Variants in FAM193B observed in about 807,000 individuals in gnomAD.
FAM193B encodes the protein protein FAM193B.
FAM193B carries 27 observed loss-of-function variants against 70.7 expected under a neutral mutation model. That is an observed-to-expected ratio of 0.38 (90% CI 0.28 to 0.53). The LOEUF (loss-of-function observed/expected upper bound fraction) is 0.53, where lower values mean the gene tolerates loss of function less well. Among genes scored for constraint, FAM193B ranks in the 20% least tolerant of loss-of-function variants. The pLI is 0.81. For synonymous variants in FAM193B, 448 were observed against 436.0 expected (o/e 1.03, Z -0.34); for missense variants, 1,022 against 1,072.5 (o/e 0.95, Z 0.66).
intron 1 of FAM193B, chr5:177,553,712 G>A (rs746645074): frequency 2.3e-6 from 3 of 1,287,852 alleles, no homozygotes; most frequent in South Asian, 1.2e-5. Context: ...AACTCCTCCG[G>A]GCAGCCTGGC....
In FAM193B at chr5:177,536,455, A is replaced by G. The variant is rs780627368; in HGVS notation, c.979T>C (p.Ser327Pro). 1.3e-6 allele frequency: 2 copies of G among 1,589,672 alleles called. No homozygotes were observed. The highest frequency in any genetic ancestry group is 1.7e-6 in the Non-Finnish European group (2 of 1,172,124). ...MPLLKMPPPF[S>P]GCSHPCSGHC... The stretch of plus-strand genomic sequence containing the variant: ...CCGCTGCAGGGGTGGCTGCACCCCG[A>G]GAATGGTGGGGGCATCTTCAGGAGC... The change falls in exon 4 of 9, where the codon TCG (serine) becomes CCG (proline). Residue 327 changes from serine to proline, a missense_variant. Physicochemically the swap from Ser to Pro is moderately conservative, Grantham distance 74. Transcript: ENST00000514747.
intron 1 of FAM193B, chr5:177,553,794 C>T: frequency 7.8e-7 from 1 of 1,287,018 alleles, no homozygotes; most frequent in Non-Finnish European, 1.0e-6. Context: ...GGGGCCGCGG[C>T]TGCAGGCGCT....
chr5:177,539,865 C>A (rs1003498489), intron 1 of FAM193B, among the ~76,000 whole-genome samples: 2 of 152,142 alleles, frequency 1.3e-5, no homozygotes. Context: ...CTTCTCTGGG[C>A]TCCAATTCCT....
rs185798693 is a variant in FAM193B at position 177,554,468 on chromosome 5, C to T, written c.-10G>A. 0.033 allele frequency: 32,262 copies of T among 969,872 alleles called. 1,561 individuals are homozygous for T. In the East Asian group the frequency reaches 0.38, roughly 11 times the overall value. 60.1% of individuals were successfully genotyped at this position (969,872 alleles called of 1,614,324 possible). A position where few individuals can be genotyped will look rare whatever the true frequency, so the allele number is the denominator to read the frequency against. On this transcript the variant is annotated 5_prime_UTR_variant, in exon 1 of 9. Coordinates refer to ENST00000514747, the MANE Select transcript of FAM193B (RefSeq NM_001190946.3). ...TCCGCCTCCGCGTCATGCCGCCGCT[C>T]GCGCCGCTCCCTCGCTCCACACGCC... is the stretch of plus-strand genomic sequence containing the variant.
intron 1 of FAM193B, chr5:177,553,637 G>A (rs1486757545): frequency 3.2e-6 from 4 of 1,264,772 alleles, no homozygotes; most frequent in East Asian, 5.8e-5. Context: ...CTGCCTTGCG[G>A]AGCAGGGGAG....
At chr5:177,526,025 C>G (rs1227434786) in intron 5 of FAM193B, among the ~76,000 whole-genome samples, 1 of 152,172 alleles carries the variant, frequency 6.6e-6, no homozygotes, top group Non-Finnish European at 1.5e-5. Context: ...GTGCGCCTGG[C>G]GCCATTGACT....
At chr5:177,551,114 C>T (rs1412566229) in intron 1 of FAM193B, among the ~76,000 whole-genome samples, 4 of 152,196 alleles carry the variant, frequency 2.6e-5, no homozygotes, top group African/African-American at 4.8e-5. Context: ...GGATTACAGG[C>T]GTGAGCCACC....
At chr5:177,524,150 T>C in intron 6 of FAM193B, 35 bp downstream of exon 6, 1 of 1,585,928 alleles carries the variant, frequency 6.3e-7, no homozygotes, top group Non-Finnish European at 8.6e-7. Context: ...CTGGCTGGGG[T>C]AGGGGGTCAG....
chr5:177,536,757 G>C lies in FAM193B; in HGVS notation c.689-12C>G. ...GGGGAAAGCCTCACCTGTGGGCAGAGGGAGGAGAAAGGGGTCAGAATGGGA... is the reference window on the plus strand; with the variant it reads ...GGGGAAAGCCTCACCTGTGGGCAGACGGAGGAGAAAGGGGTCAGAATGGGA... On this transcript the variant is annotated splice_polypyrimidine_tract_variant and intron_variant, in intron 3 of 8. Transcript: ENST00000514747. 6 of 1,549,400 alleles carry C rather than the reference G, an allele frequency of 3.9e-6. No individual in the cohort carries two copies. The highest frequency in any genetic ancestry group is 5.2e-6 in the Non-Finnish European group (6 of 1,147,742).
intron 5 of FAM193B, among the ~76,000 whole-genome samples, chr5:177,527,993 C>A (rs1352329508): frequency 6.6e-6 from 1 of 152,118 alleles, no homozygotes; most frequent in African/African-American, 2.4e-5. Context: ...CACTATTGGG[C>A]TGTTTCTAGA....
intron 1 of FAM193B, among the ~76,000 whole-genome samples, chr5:177,541,365 G>T (rs1411002864): frequency 6.6e-6 from 1 of 152,074 alleles, no homozygotes; most frequent in Non-Finnish European, 1.5e-5. Context: ...TTGCATGCTA[G>T]GTTCGAAAGT....
rs1479308526 is a variant in FAM193B at position 177,538,155 on chromosome 5, G to C, written c.454-48C>G. ...GCTCACGGTCAAACAGCAAACATCG[G>C]AGCTGACCCTCTGCTGCCTCAGCTT... On this transcript the variant is annotated intron_variant, in intron 2 of 8. Coordinates refer to ENST00000514747, the MANE Select transcript of FAM193B (RefSeq NM_001190946.3). This position sits in a 1 kb window ranked among gnomAD's most constrained non-coding sequence, Gnocchi z 4.1. 1 of 1,487,120 alleles carries C rather than the reference G, an allele frequency of 6.7e-7. No homozygotes were observed. The highest frequency in any genetic ancestry group is 1.4e-5 in the South Asian group (1 of 73,704). 92.1% of individuals were successfully genotyped at this position (1,487,120 alleles called of 1,614,324 possible).
In FAM193B at chr5:177,536,625, C is replaced by G. The variant is rs371866393; in HGVS notation, c.809G>C (p.Gly270Ala). ...CAGCAGGTGTGGGTGGGGTGGGGAG[C>G]CAAAGGAGCTGGGGTGAGACGGGAT... ...SLIPSHPSSFGSPPHPHLLPT... is the reference protein window; with the variant it reads ...SLIPSHPSSFASPPHPHLLPT... The change falls in exon 4 of 9, where the codon GGC becomes GCC. Residue 270 changes from glycine (G) to alanine (A), a missense_variant. Gly to Ala is a moderately conservative substitution (Grantham distance 60). Transcript: ENST00000514747. 1.2e-4 allele frequency: 184 copies of G among 1,555,454 alleles called. 1 individual carries two copies. In the South Asian group the frequency reaches 1.7e-3, roughly 15 times the overall value.
chr5:177,553,981 T>A, intron 1 of FAM193B: 1 of 1,263,480 alleles, frequency 7.9e-7, no homozygotes, highest in Non-Finnish European at 1.0e-6. Context: ...AGTCCCAGTG[T>A]GGGTGTACGG....
intron 5 of FAM193B, among the ~76,000 whole-genome samples, chr5:177,530,698 T>C (rs1434063215): frequency 6.6e-6 from 1 of 152,228 alleles, no homozygotes; most frequent in East Asian, 1.9e-4. Context: ...GCCACAGCTC[T>C]TCCGCAGGGC....
intron 1 of FAM193B, among the ~76,000 whole-genome samples, chr5:177,540,088 C>T (rs772547821): frequency 1.3e-4 from 19 of 151,866 alleles, no homozygotes; most frequent in African/African-American, 9.7e-5. Flanking sequence ...GGGCGGATCA[C>T]GAGGTCAGGA....
At position 177,524,621 on chromosome 5, in the gene FAM193B, G is replaced by A. The variant is rs1489090413; in HGVS notation, c.1860C>T (p.Cys620=). 6.2e-7 allele frequency: 1 copy of A among 1,612,610 alleles called. No individual in the cohort carries two copies. The highest frequency in any genetic ancestry group is 1.7e-5 in the Admixed American group (1 of 59,872). ...EEPSSKEVPS[C]KQELPEPVSS... ...ACACAGGCTCAGGCAGCTCCTGCTT[G>A]CAACTGGGAACTTCCTTTGAGCTTG... is the stretch of plus-strand genomic sequence containing the variant. Residue 620 remains cysteine (C), a synonymous_variant, in exon 6 of 9, where the codon TGC becomes TGT. Transcript: ENST00000514747.
At chr5:177,526,158 C>T (rs749004116) in intron 5 of FAM193B, among the ~76,000 whole-genome samples, 2 of 152,196 alleles carry the variant, frequency 1.3e-5, no homozygotes, top group Admixed American at 6.5e-5. Context: ...GGTGACCCTG[C>T]GTCCCAGCAG....
At chr5:177,534,363 C>A (rs1264349615) in intron 4 of FAM193B, among the ~76,000 whole-genome samples, 1 of 150,978 alleles carries the variant, frequency 6.6e-6, no homozygotes, top group Non-Finnish European at 1.5e-5. Context: ...GTGTTGCGAC[C>A]TCGGCTCACT....
Sources: allele counts gnomAD v4.1 joint callset (sites outside exome capture counted in the v4.1 genomes callset), GRCh38; gene constraint gnomAD v4.1.1; non-coding constraint Gnocchi (gnomAD v3.1); transcripts MANE v1.5; gene names NCBI Gene and HGNC (gene_info 2026-07-23, HGNC 2026-07-21).